Variants in PCCA observed in about 807,000 individuals in gnomAD.
The protein encoded by PCCA is propionyl-CoA carboxylase subunit alpha.
In PCCA, 74 loss-of-function variants were observed where a neutral mutation model predicts 101.3. That is an observed-to-expected ratio of 0.73 (90% confidence interval 0.61 to 0.89). PCCA has a LOEUF of 0.89. PCCA is among the 40% of genes least tolerant of loss of function. PCCA has a pLI of 0.00. For missense variants in PCCA, 891 were observed against 907.0 expected (o/e 0.98, Z 0.23); for synonymous variants, 294 against 313.6 (o/e 0.94, Z 0.66).
chr13:100,367,034 G>A (rs1595612848), intron 18 of PCCA, among the ~76,000 whole-genome samples: 1 of 151,848 alleles, frequency 6.6e-6, no homozygotes, highest in South Asian at 2.1e-4. Context: ...AACATAACTT[G>A]GAACATTTTT....
intron 16 of PCCA, among the ~76,000 whole-genome samples, chr13:100,324,722 A>G (rs1296664366): frequency 6.6e-6 from 1 of 152,202 alleles, no homozygotes; most frequent in Non-Finnish European, 1.5e-5. Context: ...ATACTGTACT[A>G]CTGTATAGTT....
Position 100,268,791 on chromosome 13 carries a change from T to G in PCCA, c.914+8T>G. ...GGTGGAGGAAGCACCAAGGTAAGTC[T>G]CCTAAGAAACATTTATAAAGCGGCT... On this transcript the variant is annotated splice_region_variant and intron_variant, in intron 11 of 23. Coordinates refer to ENST00000376285, the MANE Select transcript of PCCA (RefSeq NM_000282.4). 6.2e-7 allele frequency: 1 copy of G among 1,601,116 alleles called. No homozygotes were observed. Among genetic ancestry groups the G allele is most frequent in the East Asian group, 2.2e-5 (1 of 44,814 alleles).
chr13:100,311,246 A>T (rs1040321612), intron 16 of PCCA, among the ~76,000 whole-genome samples: 5 of 150,204 alleles, frequency 3.3e-5, no homozygotes, highest in East Asian at 2.0e-4. Flanking sequence ...GAAAAAAAAA[A>T]TTTTTTTTTA....
chr13:100,307,305 C>A (rs765418930), intron 15 of PCCA, 45 bp downstream of exon 15: 60 of 1,288,342 alleles, frequency 4.7e-5, no homozygotes, highest in Non-Finnish European at 6.6e-5. Flanking sequence ...TTCGAAAAAT[C>A]AATGATATTT....
At chr13:100,517,046 C>CGTGTGTGTGTGTGTGT (rs3840814) in intron 22 of PCCA, among the ~76,000 whole-genome samples, 50 of 133,066 alleles carry the variant, frequency 3.8e-4, no homozygotes, top group East Asian at 1.8e-3. Flanking sequence ...ATTATAAAAT[C>CGTGTGTGTGTGTGTGT]GTGTGTGTGT....
chr13:100,369,030 C>T (rs1343914185), intron 19 of PCCA, among the ~76,000 whole-genome samples: 1 of 152,074 alleles, frequency 6.6e-6, no homozygotes, highest in Admixed American at 6.5e-5. Flanking sequence ...GAACTTAAAC[C>T]CCTTGGATAT....
chr13:100,138,707 G>A (rs891904782), intron 4 of PCCA, among the ~76,000 whole-genome samples: 3 of 151,990 alleles, frequency 2.0e-5, no homozygotes, highest in African/African-American at 7.2e-5. Flanking sequence ...GGCCGAAGCG[G>A]GTGGATCACG....
chr13:100,189,657 GTCTTTGCTTAAGC>G (rs2057598412), intron 6 of PCCA, among the ~76,000 whole-genome samples: 1 of 152,148 alleles, frequency 6.6e-6, no homozygotes, highest in African/African-American at 2.4e-5. Flanking sequence ...TGGTCTTGAA[GTCTTTGCTTAAGC>G]TCTTTGCCTA....
intron 1 of PCCA, among the ~76,000 whole-genome samples, chr13:100,095,453 A>C (rs770225031): frequency 3.3e-5 from 5 of 152,192 alleles, no homozygotes; most frequent in African/African-American, 4.8e-5. Context: ...TGCTCGTATA[A>C]ATAGAAAAGT....
rs769089418 is a variant in PCCA at position 100,425,638 on chromosome 13, A to C, written c.1752A>C (p.Glu584Asp). Residue 584 changes from glutamate to aspartate, a missense_variant, in exon 20 of 24, where the codon GAA becomes GAC. Physicochemically the swap from Glu to Asp is conservative, Grantham distance 45. Transcript: ENST00000376285. ...CTTATTTGGTGTCACAACAGGTGGA[A>C]GTTGATGGGTCGAAACTAAATGTGA... ...ASNNGSVFSV[E>D]VDGSKLNVTS... The C allele has an allele frequency of 1.2e-6, 2 of 1,611,718 alleles. No individual in the cohort carries two copies. The highest frequency in any genetic ancestry group is 1.3e-5 in the African/African-American group (1 of 74,876).
chr13:100,267,986 A>T (rs1461676839), intron 10 of PCCA, among the ~76,000 whole-genome samples: 1 of 152,020 alleles, frequency 6.6e-6, no homozygotes, highest in African/African-American at 2.4e-5. Context: ...CAGATTTCAG[A>T]TTTTTTTGGG....
intron 12 of PCCA, among the ~76,000 whole-genome samples, chr13:100,299,096 A>T (rs2152679672): frequency 6.6e-6 from 1 of 152,282 alleles, no homozygotes; most frequent in South Asian, 2.1e-4. Context: ...AATGTTTTTT[A>T]AAATTTCTGT....
At chr13:100,177,775 A>G (rs1422261268) in intron 6 of PCCA, among the ~76,000 whole-genome samples, 4 of 152,222 alleles carry the variant, frequency 2.6e-5, no homozygotes, top group Non-Finnish European at 5.9e-5. Flanking sequence ...CATTCTCAGA[A>G]CTAAAAAAGA....
intron 7 of PCCA, among the ~76,000 whole-genome samples, chr13:100,222,698 G>A (rs2059893519): frequency 6.6e-6 from 1 of 152,292 alleles, no homozygotes; most frequent in African/African-American, 2.4e-5. Flanking sequence ...TTTAAAAAAT[G>A]TTTAGTGTTC....
intron 4 of PCCA, among the ~76,000 whole-genome samples, chr13:100,117,941 C>G (rs911304324): frequency 5.9e-5 from 9 of 151,650 alleles, no homozygotes; most frequent in African/African-American, 2.2e-4. Context: ...ACGGTGAAAC[C>G]CTGTCTCTAC....
At chr13:100,422,113 T>TCTTTCTTTCTTTCTTTCTTTCTTC (rs1412388142) in intron 19 of PCCA, among the ~76,000 whole-genome samples, 32 of 131,450 alleles carry the variant, frequency 2.4e-4, no homozygotes, top group Middle Eastern at 7.9e-3. Context: ...TTTCTTTCTT[T>TCTTTCTTTCTTTCTTTCTTTCTTC]CTTTCTTTTC....
Position 100,324,063 on chromosome 13 carries a change from G to T in PCCA, c.1430-6498G>T, listed in dbSNP as rs572658384. Among the ~76,000 whole-genome samples the T allele has an allele frequency of 1.3e-5, 2 of 152,304 alleles. 1 individual carries two copies. The highest frequency in any genetic ancestry group is 1.3e-4 in the Admixed American group (2 of 15,308). ...GATGGTACAGATTAGAACCATACAAGAGTGGACTAAAGTAATAGGAAGGAA... is the reference window on the plus strand; with the variant it reads ...GATGGTACAGATTAGAACCATACAATAGTGGACTAAAGTAATAGGAAGGAA... On this transcript the variant is annotated intron_variant, in intron 16 of 23. Coordinates refer to ENST00000376285, the MANE Select transcript of PCCA (RefSeq NM_000282.4).
intron 19 of PCCA, among the ~76,000 whole-genome samples, chr13:100,404,082 G>A (rs1451334366): frequency 6.6e-6 from 1 of 152,234 alleles, no homozygotes; most frequent in Non-Finnish European, 1.5e-5. Context: ...GTTCCCGGCA[G>A]AAGGGGCCGT....
intron 4 of PCCA, among the ~76,000 whole-genome samples, chr13:100,136,041 G>A (rs568532630): frequency 6.6e-6 from 1 of 151,930 alleles, no homozygotes; most frequent in South Asian, 2.1e-4. Context: ...TTAATTTTTT[G>A]TTAAGGATTT....
Sources: allele counts gnomAD v4.1 joint callset (sites outside exome capture counted in the v4.1 genomes callset), GRCh38; gene constraint gnomAD v4.1.1; transcripts MANE v1.5; gene names NCBI Gene and HGNC (gene_info 2026-07-23, HGNC 2026-07-21).